GABRG3: variants seen among roughly 807,000 people sequenced by gnomAD.
GABRG3 encodes the protein gamma-aminobutyric acid receptor subunit gamma-3.
GABRG3 carries 25 observed loss-of-function variants against 48.8 expected under a neutral mutation model. That is an observed-to-expected ratio of 0.51 (90% confidence interval 0.37 to 0.72). The LOEUF is 0.72. Among genes scored for constraint, GABRG3 ranks in the 30% least tolerant of loss-of-function variants. The pLI, the probability that GABRG3 is intolerant of heterozygous loss-of-function variation, is 0.00. For missense variants in GABRG3, 394 were observed against 577.9 expected (o/e 0.68, Z 3.26); for synonymous variants, 227 against 217.6 (o/e 1.04, Z -0.38).
At chr15:27,134,977 G>C (rs1235313812) in intron 3 of GABRG3, among the ~76,000 whole-genome samples, 1 of 152,174 alleles carries the variant, frequency 6.6e-6, no homozygotes, top group Non-Finnish European at 1.5e-5. Context: ...TGTTGCCCAC[G>C]TTAGAGTCAG....
At chr15:27,402,563 A>G (rs1225706225) in intron 5 of GABRG3, among the ~76,000 whole-genome samples, 1 of 152,220 alleles carries the variant, frequency 6.6e-6, no homozygotes, top group Non-Finnish European at 1.5e-5. Flanking sequence ...GTAAGGATAA[A>G]CTAGAGATAT....
chr15:27,394,596 C>A (rs1887243923), intron 5 of GABRG3, among the ~76,000 whole-genome samples: 2 of 151,914 alleles, frequency 1.3e-5, no homozygotes, highest in Admixed American at 6.6e-5. Flanking sequence ...TTTGTTTTTT[C>A]ATTTTAGCCA....
chr15:27,469,602 A>G (rs999982612), intron 5 of GABRG3, among the ~76,000 whole-genome samples: 12 of 152,106 alleles, frequency 7.9e-5, no homozygotes, highest in Non-Finnish European at 1.6e-4. Context: ...CGGCCTCCCA[A>G]AGTGCTGGGA....
rs142394735 is a variant in GABRG3 at position 27,212,662 on chromosome 15, C to T, written c.271-114147C>T. Among the ~76,000 whole-genome samples, 79 of 152,278 alleles carry T rather than the reference C, an allele frequency of 5.2e-4. 1 individual carries two copies. In the East Asian group the frequency reaches 0.014, roughly 26 times the overall value. ...CACGTTGTCGTACAACCGTCACCAC[C>T]GCCCATCTCTAGGACCTTTTCATCT... is the stretch of plus-strand genomic sequence containing the variant. On this transcript the variant is annotated intron_variant, in intron 3 of 9. Transcript: ENST00000615808.
chr15:27,375,605 G>A (rs1156611174), intron 5 of GABRG3, among the ~76,000 whole-genome samples: 1 of 152,154 alleles, frequency 6.6e-6, no homozygotes, highest in Non-Finnish European at 1.5e-5. Flanking sequence ...CGATTGTGGT[G>A]GAAGGTGAAA....
intron 6 of GABRG3, among the ~76,000 whole-genome samples, chr15:27,516,122 A>G (rs1595805123): frequency 6.6e-6 from 1 of 151,470 alleles, no homozygotes; most frequent in East Asian, 1.9e-4. Flanking sequence ...AAAAAAAAAA[A>G]ACACCCCTAC....
rs1236660698 is a variant in GABRG3, at chr15:27,308,311, T to TATATAAACATACGTTTATATATAAACATA, written c.271-18468_271-18440dup. Among the ~76,000 whole-genome samples, 1,051 of 129,794 alleles carry TATATAAACATACGTTTATATATAAACATA rather than the reference T, an allele frequency of 8.1e-3. 83 individuals are homozygous for TATATAAACATACGTTTATATATAAACATA. Among genetic ancestry groups the TATATAAACATACGTTTATATATAAACATA allele is most frequent in the Middle Eastern group, 0.024 (2 of 84 alleles). The allele number at this position is 129,794 out of a possible 152,430, so 85.1% of individuals were successfully genotyped here. On this transcript the variant is annotated intron_variant, in intron 3 of 9. Coordinates refer to ENST00000615808, the MANE Select transcript of GABRG3 (RefSeq NM_033223.5). ...TTTATATATAAACATCATATAAACA[T>TATATAAACATACGTTTATATATAAACATA]ATATAAACATACGTTTATATATAAA...
At chr15:27,314,789 A>C (rs1165773557) in intron 3 of GABRG3, among the ~76,000 whole-genome samples, 2 of 152,222 alleles carry the variant, frequency 1.3e-5, no homozygotes, top group African/African-American at 4.8e-5. Flanking sequence ...TTCTAAATGA[A>C]ATAACACAGT....
Position 27,143,448 on chromosome 15 carries a change from A to C in GABRG3, c.270+116627A>C, listed in dbSNP as rs144490726. Reference sequence around the variant, plus strand: ...CTGCCTTAAATAGTAGATTTGTCTCAGCAGTGTTTGTCAGTTATTCTCACA... The same window carrying C: ...CTGCCTTAAATAGTAGATTTGTCTCCGCAGTGTTTGTCAGTTATTCTCACA... On this transcript the variant is annotated intron_variant, in intron 3 of 9. Coordinates refer to ENST00000615808, the MANE Select transcript of GABRG3 (RefSeq NM_033223.5). Among the ~76,000 whole-genome samples the C allele has an allele frequency of 2.0e-3, 307 of 152,348 alleles. 5 individuals carry two copies. Among genetic ancestry groups the C allele is most frequent in the African/African-American group, 7.1e-3 (297 of 41,592 alleles).
At chr15:27,039,191 A>G (rs1896231685) in intron 3 of GABRG3, among the ~76,000 whole-genome samples, 1 of 152,186 alleles carries the variant, frequency 6.6e-6, no homozygotes, top group Admixed American at 6.5e-5. Context: ...GCAGGTCAGC[A>G]TGTCAGCATG....
chr15:27,436,287 C>T (rs34678408), intron 5 of GABRG3, among the ~76,000 whole-genome samples: 17,014 of 152,048 alleles, frequency 0.11, 1,342 homozygotes, highest in East Asian at 0.32. Flanking sequence ...GGCACTAATC[C>T]CACTTGTGGG....
At chr15:27,053,196 C>A (rs1013302676) in intron 3 of GABRG3, among the ~76,000 whole-genome samples, 1 of 152,150 alleles carries the variant, frequency 6.6e-6, no homozygotes, top group South Asian at 2.1e-4. Flanking sequence ...TGTACAGCAA[C>A]AGAAACTATC....
chr15:27,093,439 G>C (rs944380874), intron 3 of GABRG3, among the ~76,000 whole-genome samples: 1 of 152,118 alleles, frequency 6.6e-6, no homozygotes, highest in Admixed American at 6.5e-5. Flanking sequence ...TCATGACATC[G>C]TAAGTACTGT....
chr15:27,159,481 TAA>T (rs552767337), intron 3 of GABRG3, among the ~76,000 whole-genome samples: 1 of 145,132 alleles, frequency 6.9e-6, no homozygotes, highest in South Asian at 2.2e-4. Context: ...GACTCCATCT[TAA>T]AAAAAAAAAA....
At chr15:27,429,051 A>G (rs1416953848) in intron 5 of GABRG3, among the ~76,000 whole-genome samples, 1 of 152,196 alleles carries the variant, frequency 6.6e-6, no homozygotes, top group Non-Finnish European at 1.5e-5. Context: ...ATAAGGTTCA[A>G]ATAGATCTTT....
intron 3 of GABRG3, among the ~76,000 whole-genome samples, chr15:27,210,722 G>GT (rs1889051325): frequency 6.6e-6 from 1 of 152,206 alleles, no homozygotes. Context: ...GGGAGGTGTG[G>GT]TGTTCCCACA....
At chr15:27,190,611 C>T (rs1248592268) in intron 3 of GABRG3, among the ~76,000 whole-genome samples, 1 of 152,064 alleles carries the variant, frequency 6.6e-6, no homozygotes, top group African/African-American at 2.4e-5. Flanking sequence ...TTTTATTCTT[C>T]TCTCTTTTTT....
rs1891644139 is a variant in GABRG3, at chr15:27,540,653, C to G, written c.*7772C>G. 6.6e-6 allele frequency: 1 copy of G among 152,230 alleles called. No individual in the cohort carries two copies. Among genetic ancestry groups the G allele is most frequent in the Non-Finnish European group, 1.5e-5 (1 of 68,036 alleles). 9.4% of individuals were successfully genotyped at this position (152,230 alleles called of 1,614,324 possible). On this transcript the variant is annotated 3_prime_UTR_variant, in exon 10 of 10. Coordinates refer to ENST00000615808, the MANE Select transcript of GABRG3 (RefSeq NM_033223.5). ...CTAGTGAACCAAGTTTACCTGCTCA[C>G]ACGTTTGTACAACTACACAATGTGT...
intron 3 of GABRG3, among the ~76,000 whole-genome samples, chr15:27,092,412 C>T (rs1897202932): frequency 6.6e-6 from 1 of 152,236 alleles, no homozygotes; most frequent in Non-Finnish European, 1.5e-5. Flanking sequence ...GTTCATCTCT[C>T]TGCTCTCCTC....
Sources: gnomAD v4.1 joint callset for allele counts (sites outside exome capture counted in the v4.1 genomes callset) on GRCh38, gnomAD v4.1.1 for gene constraint, MANE v1.5 for transcripts, NCBI Gene and HGNC (gene_info 2026-07-23, HGNC 2026-07-21) for gene names.